FOCAD: variants seen among roughly 807,000 people sequenced by gnomAD.
The protein encoded by FOCAD is focadhesin.
A neutral mutation model predicts 225.6 loss-of-function variants in FOCAD; 198 were observed. That is an observed-to-expected ratio of 0.88 (90% CI 0.78 to 0.99). The LOEUF (loss-of-function observed/expected upper bound fraction) is 0.99, where lower values mean the gene tolerates loss of function less well. Among genes scored for constraint, FOCAD ranks in the 50% least tolerant of loss-of-function variants. The probability of loss-of-function intolerance (pLI) is 0.00; values close to 1 mark genes in which losing one functional copy is unlikely to be tolerated. For missense variants in FOCAD, 2,713 were observed against 2,123.6 expected, an observed-to-expected ratio of 1.28 and a Z score of -5.46; for synonymous variants, 897 against 755.0, an observed-to-expected ratio of 1.19 and a Z score of -3.08.
intron 11 of FOCAD, among the ~76,000 whole-genome samples, chr9:20,814,502 T>C (rs181533564): frequency 6.6e-5 from 10 of 152,030 alleles, no homozygotes; most frequent in Non-Finnish European, 8.8e-5. Flanking sequence ...ATTACATATA[T>C]GTGCCACCAA....
chr9:20,675,336 C>G (rs565917167), intron 2 of FOCAD, among the ~76,000 whole-genome samples: 2 of 152,194 alleles, frequency 1.3e-5, no homozygotes, highest in South Asian at 2.1e-4. Flanking sequence ...GCCATCATGT[C>G]AAAACAAGAA....
chr9:20,665,014 G>C (rs550975478), intron 2 of FOCAD, among the ~76,000 whole-genome samples: 1 of 151,968 alleles, frequency 6.6e-6, no homozygotes, highest in African/African-American at 2.4e-5. Flanking sequence ...CGAATAAGTT[G>C]GTGGTAACAT....
chr9:20,936,129 G>A (rs535824394), intron 28 of FOCAD, among the ~76,000 whole-genome samples: 9 of 152,282 alleles, frequency 5.9e-5, no homozygotes, highest in South Asian at 4.1e-4. Flanking sequence ...ACTTCCATGC[G>A]TTTTGGAACG....
chr9:20,737,485 T>G (rs1827243843), intron 4 of FOCAD, among the ~76,000 whole-genome samples: 2 of 152,226 alleles, frequency 1.3e-5, no homozygotes, highest in Non-Finnish European at 2.9e-5. Context: ...AGGCTCAGAG[T>G]GCAGTCTTAC....
chr9:20,921,180 C>G (rs1394061304), intron 24 of FOCAD, among the ~76,000 whole-genome samples: 1 of 151,858 alleles, frequency 6.6e-6, no homozygotes, highest in Non-Finnish European at 1.5e-5. Flanking sequence ...CAGATTTAAA[C>G]CTGAAGATAA....
At chr9:20,688,436 A>T (rs180927724) in intron 1 of FOCAD, among the ~76,000 whole-genome samples, 12 of 152,280 alleles carry the variant, frequency 7.9e-5, no homozygotes, top group African/African-American at 2.9e-4. Context: ...TATCAGATGT[A>T]TGGGGAGAAT....
At chr9:20,937,941 A>G (rs28798710) in intron 28 of FOCAD, among the ~76,000 whole-genome samples, 9,339 of 152,268 alleles carry the variant, frequency 0.061, 469 homozygotes, top group East Asian at 0.23. Context: ...ACACTTCTCA[A>G]AAGAAGACAT....
At chr9:20,749,220 C>T (rs537964419) in intron 5 of FOCAD, among the ~76,000 whole-genome samples, 9 of 152,158 alleles carry the variant, frequency 5.9e-5, no homozygotes, top group East Asian at 1.9e-4. Flanking sequence ...GGGGGAGAAT[C>T]GTTGTAATAG....
chr9:20,958,844 C>T (rs1838442492), intron 35 of FOCAD, among the ~76,000 whole-genome samples: 1 of 152,140 alleles, frequency 6.6e-6, no homozygotes, highest in African/African-American at 2.4e-5. Flanking sequence ...GCATTTCTAT[C>T]CATGCTGCCA....
intron 28 of FOCAD, among the ~76,000 whole-genome samples, chr9:20,934,653 T>C (rs773618683): frequency 6.6e-6 from 1 of 152,178 alleles, no homozygotes; most frequent in Non-Finnish European, 1.5e-5. Flanking sequence ...CCTTATAGTA[T>C]AGTTTGAAAT....
intron 5 of FOCAD, among the ~76,000 whole-genome samples, chr9:20,752,674 A>G (rs1828678986): frequency 6.6e-6 from 1 of 152,120 alleles, no homozygotes; most frequent in Non-Finnish European, 1.5e-5. Context: ...ACTTTAAAGT[A>G]GTTTTTTCCA....
At chr9:20,658,102 T>C (rs979483281), upstream of FOCAD, among the ~76,000 whole-genome samples, 3 of 149,790 alleles carry the variant, frequency 2.0e-5, no homozygotes, top group Non-Finnish European at 3.0e-5. Context: ...GGGTCAGGGG[T>C]CAGGGACCCA....
At chr9:20,879,154 A>C (rs1239396067) in intron 19 of FOCAD, among the ~76,000 whole-genome samples, 1 of 152,192 alleles carries the variant, frequency 6.6e-6, no homozygotes, top group African/African-American at 2.4e-5. Context: ...TTGACACTTA[A>C]GTTCACAAGT....
chr9:20,978,340 TGAA>T lies in FOCAD; in HGVS notation c.4266_4268del (p.Glu1423del). The stretch of plus-strand genomic sequence containing the variant: ...TTCTTTTCCTTTCTTGACTTTCAGG[TGAA>T]GAGATCCAGCAACTGTGCCTTGAAA... On this transcript the variant is annotated inframe_deletion and splice_region_variant, in exon 37 of 44. Coordinates refer to ENST00000338382, the MANE Select transcript of FOCAD (RefSeq NM_001375567.1). The T allele has an allele frequency of 6.3e-7, 1 of 1,593,046 alleles. No individual in the cohort carries two copies. The highest frequency in any genetic ancestry group is 8.6e-7 in the Non-Finnish European group (1 of 1,167,068).
Position 20,986,331 on chromosome 9 carries a change from C to T in FOCAD, c.4772C>T (p.Ser1591Phe), listed in dbSNP as rs757714176. The T allele has an allele frequency of 2.8e-6, 4 of 1,437,098 alleles. No homozygotes were observed. The African/African-American group carries it at 6.5e-5, about 23-fold the overall frequency. The allele number at this position is 1,437,098 out of a possible 1,614,324, so 89.0% of individuals were successfully genotyped here. ...GCCTTTGTCAAACTGTACTTAGTCT[C>T]TCAAGGACGATTCCCCTTGGTGAAC... Reference protein sequence around the residue: ...KAAFVKLYLVSQGRFPLVNLT... With the variant: ...KAAFVKLYLVFQGRFPLVNLT... Residue 1591 changes from serine to phenylalanine, a missense_variant, in exon 40 of 44, where the codon TCT becomes TTT. Transcript: ENST00000338382.
intron 30 of FOCAD, among the ~76,000 whole-genome samples, chr9:20,947,452 C>T (rs183424498): frequency 2.0e-5 from 3 of 152,116 alleles, no homozygotes; most frequent in Admixed American, 1.3e-4. Context: ...TAGTCAAAAG[C>T]ATAGAGACAG....
At chr9:20,742,668 T>G (rs1827730768) in intron 5 of FOCAD, among the ~76,000 whole-genome samples, 1 of 152,246 alleles carries the variant, frequency 6.6e-6, no homozygotes, top group South Asian at 2.1e-4. Context: ...GAATTTGGGT[T>G]ACTCTCATTT....
intron 18 of FOCAD, among the ~76,000 whole-genome samples, chr9:20,869,014 G>A (rs557652734): frequency 5.3e-5 from 8 of 152,154 alleles, no homozygotes; most frequent in Non-Finnish European, 7.4e-5. Context: ...TCCCAAACAA[G>A]TTCCCAAACA....
intron 5 of FOCAD, among the ~76,000 whole-genome samples, chr9:20,748,747 CCTT>C (rs1416242348): frequency 6.6e-6 from 1 of 152,042 alleles, no homozygotes; most frequent in Non-Finnish European, 1.5e-5. Flanking sequence ...TTCCTCTTTT[CCTT>C]CTTCTTTTCC....
Sources: allele counts gnomAD v4.1 joint callset (sites outside exome capture counted in the v4.1 genomes callset), GRCh38; gene constraint gnomAD v4.1.1; transcripts MANE v1.5; gene names NCBI Gene and HGNC (gene_info 2026-07-23, HGNC 2026-07-21).